The following NRXN1 variants were observed in gnomAD, a reference collection of about 807,000 sequenced individuals.
The protein encoded by NRXN1 is neurexin-1.
NRXN1 carries 39 observed loss-of-function variants against 150.9 expected under a neutral mutation model. The observed-to-expected ratio is 0.26, with a 90% CI of 0.20 to 0.34. NRXN1 has a LOEUF of 0.34. NRXN1 is among the 10% of genes least tolerant of loss of function. The pLI is 1.00. For synonymous variants in NRXN1, 924 were observed against 757.0 expected, an observed-to-expected ratio of 1.22 and a Z score of -3.62; for missense variants, 1,815 against 1,949.9, an observed-to-expected ratio of 0.93 and a Z score of 1.30.
intron 8 of NRXN1, among the ~76,000 whole-genome samples, chr2:50,572,018 A>G (rs1172885715): frequency 6.6e-6 from 1 of 152,182 alleles, no homozygotes; most frequent in Non-Finnish European, 1.5e-5. Flanking sequence ...TAGATGTGGT[A>G]ATTGCAGAAG....
rs531662638 is a variant in NRXN1, at chr2:50,157,705, G to A, written c.3547-66211C>T. ...AGCAGAAATGGAGGCAGTAAGAATG[G>A]AGAGGAAGAAACAATGCAAATAAAG... On this transcript the variant is annotated intron_variant, in intron 18 of 22. Coordinates refer to ENST00000401669, the MANE Select transcript of NRXN1 (RefSeq NM_001330078.2). 2.0e-5 allele frequency among the ~76,000 whole-genome samples: 3 copies of A among 152,170 alleles called. No individual in the cohort carries two copies. In the South Asian group the frequency reaches 6.2e-4, roughly 32 times the overall value.
At chr2:50,202,787 C>CT (rs2062275345) in intron 18 of NRXN1, among the ~76,000 whole-genome samples, 1 of 151,996 alleles carries the variant, frequency 6.6e-6, no homozygotes, top group African/African-American at 2.4e-5. Flanking sequence ...TCATTGGTAG[C>CT]AAGTGAGAGA....
chr2:50,341,961 T>C (rs899695082), intron 17 of NRXN1, among the ~76,000 whole-genome samples: 2 of 152,226 alleles, frequency 1.3e-5, no homozygotes, highest in Non-Finnish European at 2.9e-5. Flanking sequence ...AATTTGCCTC[T>C]TTAAGGATTA....
In NRXN1 at chr2:50,363,113, C is replaced by T. The variant is rs563214009; in HGVS notation, c.3364+102329G>A. On this transcript the variant is annotated intron_variant, in intron 17 of 22. Transcript: ENST00000401669. ...ACTTGATATGGATTAAAGATTTAAACGTAAGACCTAAAACCATAAAAACCT... is the reference window on the plus strand; with the variant it reads ...ACTTGATATGGATTAAAGATTTAAATGTAAGACCTAAAACCATAAAAACCT... 1.9e-4 allele frequency among the ~76,000 whole-genome samples: 29 copies of T among 152,146 alleles called. No individual in the cohort carries two copies. In the East Asian group the frequency reaches 3.1e-3, roughly 16 times the overall value.
intron 21 of NRXN1, among the ~76,000 whole-genome samples, chr2:50,032,967 C>A (rs868693224): frequency 6.6e-6 from 1 of 151,472 alleles, no homozygotes; most frequent in African/African-American, 2.4e-5. Flanking sequence ...CACACGCCCC[C>A]ATATTTATAT....
chr2:50,757,423 G>C (rs911341327), intron 5 of NRXN1, among the ~76,000 whole-genome samples: 2 of 151,764 alleles, frequency 1.3e-5, no homozygotes, highest in Middle Eastern at 3.2e-3. Flanking sequence ...CTGTAAAGAA[G>C]TACAGAATGG....
chr2:50,770,353 T>C (rs1043636203), intron 5 of NRXN1, among the ~76,000 whole-genome samples: 2 of 151,754 alleles, frequency 1.3e-5, no homozygotes, highest in Admixed American at 6.6e-5. Context: ...TGATAGATGA[T>C]AGATAGATTT....
chr2:50,277,124 T>C (rs1307527501), intron 17 of NRXN1, among the ~76,000 whole-genome samples: 2 of 152,094 alleles, frequency 1.3e-5, no homozygotes, highest in African/African-American at 4.8e-5. Flanking sequence ...TCTCTCTGTA[T>C]AAATAAATGG....
intron 2 of NRXN1, among the ~76,000 whole-genome samples, chr2:50,988,404 C>T (rs898003102): frequency 6.6e-6 from 1 of 151,910 alleles, no homozygotes; most frequent in Non-Finnish European, 1.5e-5. Flanking sequence ...ATGGCTTTTA[C>T]TACTATGACA....
chr2:50,768,361 C>T (rs745500512), intron 5 of NRXN1, among the ~76,000 whole-genome samples: 2 of 151,976 alleles, frequency 1.3e-5, no homozygotes, highest in African/African-American at 2.4e-5. Context: ...CAGGCTGGAG[C>T]GCAGTGGCAT....
chr2:50,072,366 T>C (rs1696414204), intron 19 of NRXN1, among the ~76,000 whole-genome samples: 2 of 152,100 alleles, frequency 1.3e-5, no homozygotes, highest in African/African-American at 4.8e-5. Context: ...TGCGGTGACA[T>C]TGTCTTATTT....
Position 50,521,621 on chromosome 2 carries a change from C to T in NRXN1, c.2374+7004G>A, listed in dbSNP as rs144895978. ...TGACCGTCCCCATGATTTAAAGAGC[C>T]TTGCCCACTTGACTTATGTACCACA... On this transcript the variant is annotated intron_variant, in intron 12 of 22. Coordinates refer to ENST00000401669, the MANE Select transcript of NRXN1 (RefSeq NM_001330078.2). 2.9e-3 allele frequency among the ~76,000 whole-genome samples: 447 copies of T among 152,286 alleles called. 3 individuals are homozygous for T. The highest frequency in any genetic ancestry group is 0.01 in the African/African-American group (421 of 41,554).
In NRXN1 at chr2:50,709,987, A is replaced by G. The variant is rs181886987; in HGVS notation, c.833-86372T>C. Reference sequence around the variant, plus strand: ...TGTAAGACTCTACTATTACTGCTCAATGAGTGAGAAAAGAGATCTAGAGGT... The same window carrying G: ...TGTAAGACTCTACTATTACTGCTCAGTGAGTGAGAAAAGAGATCTAGAGGT... On this transcript the variant is annotated intron_variant, in intron 5 of 22. Transcript: ENST00000401669. Among the ~76,000 whole-genome samples, 391 of 152,314 alleles carry G rather than the reference A, an allele frequency of 2.6e-3. 6 individuals are homozygous for G. Among genetic ancestry groups the G allele is most frequent in the Admixed American group, 0.023 (348 of 15,286 alleles).
intron 18 of NRXN1, among the ~76,000 whole-genome samples, chr2:50,157,986 A>C (rs920203760): frequency 6.6e-6 from 1 of 151,156 alleles, no homozygotes; most frequent in Non-Finnish European, 1.5e-5. Context: ...TAGGGGAGAG[A>C]AACAAGGAGG....
intron 17 of NRXN1, among the ~76,000 whole-genome samples, chr2:50,288,722 G>T (rs1468532572): frequency 1.3e-5 from 2 of 152,062 alleles, no homozygotes; most frequent in Non-Finnish European, 2.9e-5. Context: ...AAAATCACGG[G>T]AAGGACATGT....
chr2:50,894,996 A>T (rs1365867830), intron 5 of NRXN1, among the ~76,000 whole-genome samples: 1 of 152,172 alleles, frequency 6.6e-6, no homozygotes, highest in African/African-American at 2.4e-5. Flanking sequence ...ATCAAATGCA[A>T]TTACTACTGC....
intron 5 of NRXN1, among the ~76,000 whole-genome samples, chr2:50,689,925 C>T (rs1170674075): frequency 6.7e-6 from 1 of 150,002 alleles, no homozygotes; most frequent in Non-Finnish European, 1.5e-5. Flanking sequence ...TCGCTCTTGT[C>T]ACCCAGGCTG....
At chr2:50,555,627 A>T (rs973496338) in intron 8 of NRXN1, among the ~76,000 whole-genome samples, 2 of 152,168 alleles carry the variant, frequency 1.3e-5, no homozygotes, top group Non-Finnish European at 2.9e-5. Context: ...ATGCTCAATA[A>T]ATATTTGTTT....
At chr2:50,644,884 ATTTC>A (rs1202386064) in intron 5 of NRXN1, among the ~76,000 whole-genome samples, 1 of 150,632 alleles carries the variant, frequency 6.6e-6, no homozygotes, top group African/African-American at 2.4e-5. Flanking sequence ...ATGTATTTAT[ATTTC>A]TTTTTCAAAT....
Sources: allele counts gnomAD v4.1 joint callset (sites outside exome capture counted in the v4.1 genomes callset), GRCh38; gene constraint gnomAD v4.1.1; transcripts MANE v1.5; gene names NCBI Gene and HGNC (gene_info 2026-07-23, HGNC 2026-07-21).